Variants in PTDSS2 observed in about 807,000 individuals in gnomAD.
PTDSS2 encodes phosphatidylserine synthase 2, also known as PSS-2.
PTDSS2 carries 41 observed loss-of-function variants against 64.7 expected under a neutral mutation model. The observed-to-expected ratio is 0.63, with a 90% CI of 0.49 to 0.82. PTDSS2 has a LOEUF of 0.82. Ranked by LOEUF, PTDSS2 falls within the 40% of genes least tolerant of loss-of-function variation. PTDSS2 has a pLI of 0.00. For synonymous variants in PTDSS2, 297 were observed against 277.8 expected (o/e 1.07, Z -0.69); for missense variants, 485 against 650.0 (o/e 0.75, Z 2.76).
chr11:458,606 G>T (rs1441573749), intron 1 of PTDSS2: 1 of 149,922 alleles, frequency 6.7e-6, no homozygotes, highest in African/African-American at 2.5e-5. Flanking sequence ...CCTCAACCTG[G>T]GCTTAAGCGA....
chr11:490,292 A>G, intron 11 of PTDSS2, 128 bp from the exon 12 acceptor site: 2 of 1,368,180 alleles, frequency 1.5e-6, no homozygotes, highest in Non-Finnish European at 2.0e-6. Flanking sequence ...CTGCCGTCCC[A>G]GGGCCAGGGT....
intron 1 of PTDSS2, among the ~76,000 whole-genome samples, chr11:451,820 C>G (rs750593992): frequency 6.6e-6 from 1 of 152,170 alleles, no homozygotes; most frequent in African/African-American, 2.4e-5. Flanking sequence ...GGAGGCCCCA[C>G]GCAGGGTCTT....
At chr11:459,693 C>T (rs1033615225) in intron 1 of PTDSS2, 109 of 158,338 alleles carry the variant, frequency 6.9e-4, no homozygotes, top group Non-Finnish European at 1.0e-3. Flanking sequence ...GGCAGACCCA[C>T]GGCTCGTGGC....
chr11:488,698 C>A (rs776149857), intron 8 of PTDSS2, 51 bp downstream of exon 8: 4 of 1,371,812 alleles, frequency 2.9e-6, no homozygotes, highest in Non-Finnish European at 1.0e-6. Context: ...TACCTGGAGG[C>A]AGCCTCAGCG....
Position 478,847 on chromosome 11 carries a change from T to C in PTDSS2, c.368-238T>C, listed in dbSNP as rs182804971. 5.9e-5 allele frequency among the ~76,000 whole-genome samples: 9 copies of C among 152,282 alleles called. No individual in the cohort carries two copies. The East Asian group carries it at 1.7e-3, about 29-fold the overall frequency. Reference sequence around the variant, plus strand: ...TGTGCTGACTGCTTCTGTGCAACAATTTATGGGCAAAAGATTTGAGTACTG... The same window carrying C: ...TGTGCTGACTGCTTCTGTGCAACAACTTATGGGCAAAAGATTTGAGTACTG... On this transcript the variant is annotated intron_variant, in intron 3 of 11. Transcript: ENST00000308020.
chr11:489,768 C>T (rs779579997), intron 10 of PTDSS2, 35 bp downstream of exon 10: 56 of 1,594,780 alleles, frequency 3.5e-5, no homozygotes, highest in Middle Eastern at 1.7e-4. Context: ...GAGACACCCC[C>T]GGGGGGCAGG....
At position 482,660 on chromosome 11, in the gene PTDSS2, A is replaced by G. The variant is rs113027654; in HGVS notation, c.435+3508A>G. On this transcript the variant is annotated intron_variant, in intron 4 of 11. Coordinates refer to ENST00000308020, the MANE Select transcript of PTDSS2 (RefSeq NM_030783.3). Reference sequence around the variant, plus strand: ...TCCTGATCTTAGGGGAAAAGCATCCAGTCTTTATCCCACTGAGTGTGTTAG... The same window carrying G: ...TCCTGATCTTAGGGGAAAAGCATCCGGTCTTTATCCCACTGAGTGTGTTAG... 8.3e-3 allele frequency among the ~76,000 whole-genome samples: 1,258 copies of G among 152,364 alleles called. 22 individuals are homozygous for G. Among genetic ancestry groups the G allele is most frequent in the African/African-American group, 0.029 (1,198 of 41,570 alleles).
In PTDSS2 at chr11:460,172, G is replaced by C. The variant is rs546313479; in HGVS notation, c.183-15G>C. ...CCAAGCTCTGACACCATGCTTATGC[G>C]TTTTTGGATTTCAGGCGAGCCCACA... On this transcript the variant is annotated splice_polypyrimidine_tract_variant and intron_variant, in intron 1 of 11. Coordinates refer to ENST00000308020, the MANE Select transcript of PTDSS2 (RefSeq NM_030783.3). This position sits in a 1 kb window ranked among gnomAD's most constrained non-coding sequence, Gnocchi z 5.8. The C allele has an allele frequency of 6.2e-7, 1 of 1,610,086 alleles. No homozygotes were observed. The highest frequency in any genetic ancestry group is 2.2e-5 in the East Asian group (1 of 44,854).
At chr11:452,089 G>C (rs1846355517) in intron 1 of PTDSS2, among the ~76,000 whole-genome samples, 2 of 152,134 alleles carry the variant, frequency 1.3e-5, no homozygotes, top group Admixed American at 1.3e-4. Context: ...GACCAGACTG[G>C]CTCTTCTGAG....
chr11:474,804 A>T (rs1448763930), intron 3 of PTDSS2, among the ~76,000 whole-genome samples: 1 of 152,232 alleles, frequency 6.6e-6, no homozygotes, highest in Non-Finnish European at 1.5e-5. Flanking sequence ...CCCACAAATA[A>T]TAACCACTGT....
rs1411438683 is a variant in PTDSS2, at chr11:491,223, C to T, written c.*641C>T. 1 of 153,238 alleles carries T rather than the reference C, an allele frequency of 6.5e-6. No individual in the cohort carries two copies. Among genetic ancestry groups the T allele is most frequent in the Non-Finnish European group, 1.5e-5 (1 of 68,780 alleles). The allele number at this position is 153,238 out of a possible 1,614,324, so 9.5% of individuals were successfully genotyped here. Reference sequence around the variant, plus strand: ...CCGAGCCTTCCTTTCACACAGACCACCCCGGAGGACACGTGGATGATGGGG... The same window carrying T: ...CCGAGCCTTCCTTTCACACAGACCATCCCGGAGGACACGTGGATGATGGGG... On this transcript the variant is annotated 3_prime_UTR_variant, in exon 12 of 12. Transcript: ENST00000308020.
chr11:453,485 G>A (rs1297810562), intron 1 of PTDSS2, among the ~76,000 whole-genome samples: 2 of 152,218 alleles, frequency 1.3e-5, no homozygotes, highest in Non-Finnish European at 2.9e-5. Context: ...TCTTGGAATG[G>A]GGTGCCTCAA....
intron 1 of PTDSS2, chr11:451,409 C>T (rs779929259): frequency 2.2e-6 from 1 of 448,490 alleles, no homozygotes; most frequent in South Asian, 1.6e-5. Context: ...TGGCCCTTTG[C>T]CGATGCTCCT....
intron 1 of PTDSS2, among the ~76,000 whole-genome samples, chr11:455,535 C>G (rs1846547182): frequency 6.6e-6 from 1 of 152,240 alleles, no homozygotes; most frequent in Non-Finnish European, 1.5e-5. Flanking sequence ...GTGACCTCGT[C>G]AGGAAGCCCC....
intron 1 of PTDSS2, among the ~76,000 whole-genome samples, chr11:452,743 C>T (rs1846397854): frequency 6.6e-6 from 1 of 152,142 alleles, no homozygotes; most frequent in East Asian, 1.9e-4. Context: ...TTCTGGGTGG[C>T]AGGTAACTCA....
At chr11:474,379 C>T (rs1451847723) in intron 3 of PTDSS2, among the ~76,000 whole-genome samples, 1 of 107,754 alleles carries the variant, frequency 9.3e-6, no homozygotes, top group East Asian at 2.8e-4. Flanking sequence ...ACTCTGAGAC[C>T]AGAGGGGGCG....
intron 6 of PTDSS2, 129 bp from the exon 7 acceptor site, chr11:488,070 C>G: frequency 1.7e-6 from 1 of 604,816 alleles, no homozygotes; most frequent in Non-Finnish European, 2.8e-6. Flanking sequence ...TGCACGCACC[C>G]GTGGGCAGGG....
intron 2 of PTDSS2, among the ~76,000 whole-genome samples, chr11:468,730 A>AGG (rs1166241998): frequency 2.0e-5 from 3 of 150,310 alleles, no homozygotes; most frequent in Non-Finnish European, 4.4e-5. Flanking sequence ...ATAATCAGAG[A>AGG]AGGAGGGGAG....
chr11:454,497 A>G (rs1846492909), intron 1 of PTDSS2, among the ~76,000 whole-genome samples: 1 of 152,338 alleles, frequency 6.6e-6, no homozygotes, highest in Middle Eastern at 3.4e-3. Context: ...TAGAAACCAC[A>G]GGAAGGTCTC....
Sources: allele counts gnomAD v4.1 joint callset (sites outside exome capture counted in the v4.1 genomes callset), GRCh38; gene constraint gnomAD v4.1.1; non-coding constraint Gnocchi (gnomAD v3.1); transcripts MANE v1.5; gene names NCBI Gene and HGNC (gene_info 2026-07-23, HGNC 2026-07-21).